The following ETFA variants were observed in gnomAD, a reference collection of about 807,000 sequenced individuals.
The protein encoded by ETFA is electron transfer flavoprotein subunit alpha.
ETFA carries 22 observed loss-of-function variants against 46.2 expected under a neutral mutation model. That is an observed-to-expected ratio of 0.48 (90% CI 0.34 to 0.68). The LOEUF is 0.68. Among genes scored for constraint, ETFA ranks in the 30% least tolerant of loss-of-function variants. ETFA has a pLI of 0.01. For synonymous variants in ETFA, 131 were observed against 139.9 expected (o/e 0.94, Z 0.45); for missense variants, 345 against 401.1 (o/e 0.86, Z 1.19).
rs765084070 is a variant in ETFA at position 76,274,406 on chromosome 15, A to T, written c.816+6T>A. The stretch of plus-strand genomic sequence containing the variant: ...TTTACACAGCATATTTTATTGCAAT[A>T]CTTACTGGTGCTACTATTTTTCCCG... On this transcript the variant is annotated splice_donor_region_variant and intron_variant, in intron 9 of 11. Transcript: ENST00000557943. The T allele has an allele frequency of 1.9e-6, 3 of 1,598,316 alleles. No homozygotes were observed. The African/African-American group carries it at 4.0e-5, about 21-fold the overall frequency.
At chr15:76,270,943 GCGGATCA>G (rs1387800934) in intron 9 of ETFA, among the ~76,000 whole-genome samples, 1 of 152,132 alleles carries the variant, frequency 6.6e-6, no homozygotes, top group African/African-American at 2.4e-5. Flanking sequence ...ACCAAGGTGG[GCGGATCA>G]CTTGAGGCCA....
At chr15:76,235,367 T>C (rs1216270926) in intron 9 of ETFA, among the ~76,000 whole-genome samples, 1 of 152,144 alleles carries the variant, frequency 6.6e-6, no homozygotes, top group Non-Finnish European at 1.5e-5. Flanking sequence ...CTCTTAACAG[T>C]CACTATAGCC....
intron 9 of ETFA, among the ~76,000 whole-genome samples, chr15:76,267,603 G>T (rs74960895): frequency 0.064 from 9,743 of 152,000 alleles, 409 homozygotes; most frequent in Non-Finnish European, 0.092. Flanking sequence ...GACCTCAACA[G>T]CAAGTTTTTC....
chr15:76,299,188 C>T (rs2039856740), intron 1 of ETFA, among the ~76,000 whole-genome samples: 1 of 152,236 alleles, frequency 6.6e-6, no homozygotes, highest in Non-Finnish European at 1.5e-5. Context: ...TCAGCCTTAC[C>T]TGGGCTCTCA....
intron 9 of ETFA, chr15:76,260,884 C>T (rs2039404097): frequency 1.2e-6 from 2 of 1,611,830 alleles, no homozygotes; most frequent in South Asian, 1.1e-5. Context: ...ACAAGGACCA[C>T]AACAGCCAGG....
intron 1 of ETFA, among the ~76,000 whole-genome samples, chr15:76,302,276 C>A (rs2039886878): frequency 6.6e-6 from 1 of 151,958 alleles, no homozygotes; most frequent in Non-Finnish European, 1.5e-5. Context: ...TGGAAGCAAC[C>A]AAAATGTCCT....
intron 2 of ETFA, among the ~76,000 whole-genome samples, chr15:76,294,801 AG>A (rs2039801513): frequency 6.6e-6 from 1 of 152,152 alleles, no homozygotes; most frequent in Non-Finnish European, 1.5e-5. Flanking sequence ...TACCCACCTC[AG>A]CTTCCCAAAG....
Position 76,217,715 on chromosome 15 carries a change from C to T in ETFA, c.964-1118G>A, listed in dbSNP as rs138686517. The T allele has an allele frequency of 9.4e-4, 402 of 426,214 alleles. 2 individuals are homozygous for T. The highest frequency in any genetic ancestry group is 6.9e-3 in the African/African-American group (341 of 49,346). 26.4% of individuals were successfully genotyped at this position (426,214 alleles called of 1,614,324 possible). A position where few individuals can be genotyped will look rare whatever the true frequency, so the allele number is the denominator to read the frequency against. On this transcript the variant is annotated intron_variant, in intron 11 of 11. Transcript: ENST00000557943. ...TCACACAGATACTCTGAAAACTGGT[C>T]CAGCCACTTGTGCAAAGTATCAATT...
At chr15:76,281,897 CT>C (rs34309169) in intron 8 of ETFA, among the ~76,000 whole-genome samples, 5 of 78,090 alleles carry the variant, frequency 6.4e-5, no homozygotes, top group African/African-American at 2.5e-4. Flanking sequence ...TACACGTATC[CT>C]TTTTTTTTTT....
intron 1 of ETFA, among the ~76,000 whole-genome samples, chr15:76,306,672 A>C (rs2039943497): frequency 6.6e-6 from 1 of 152,242 alleles, no homozygotes; most frequent in Non-Finnish European, 1.5e-5. Context: ...TCCCTATTTT[A>C]ACATACATTT....
intron 9 of ETFA, among the ~76,000 whole-genome samples, chr15:76,272,536 A>C (rs529158054): frequency 1.3e-5 from 2 of 151,990 alleles, no homozygotes; most frequent in Non-Finnish European, 2.9e-5. Flanking sequence ...TCTTGTAGAC[A>C]TATTTTTGGT....
At chr15:76,249,363 G>A (rs1243822006) in intron 9 of ETFA, among the ~76,000 whole-genome samples, 1 of 151,236 alleles carries the variant, frequency 6.6e-6, no homozygotes, top group African/African-American at 2.4e-5. Flanking sequence ...CCCAACCTCA[G>A]GTGATCCTTG....
At chr15:76,280,832 T>C (rs1260080911) in intron 8 of ETFA, among the ~76,000 whole-genome samples, 1 of 152,022 alleles carries the variant, frequency 6.6e-6, no homozygotes, top group Non-Finnish European at 1.5e-5. Flanking sequence ...CTGTGCACTT[T>C]ACTAGTTGCT....
At chr15:76,249,631 C>T (rs1287506069) in intron 9 of ETFA, among the ~76,000 whole-genome samples, 3 of 151,018 alleles carry the variant, frequency 2.0e-5, no homozygotes, top group African/African-American at 2.4e-5. Flanking sequence ...TTAGTAGAGA[C>T]GGGGTTTCAC....
At chr15:76,277,865 C>T (rs150558262) in intron 8 of ETFA, among the ~76,000 whole-genome samples, 1 of 152,266 alleles carries the variant, frequency 6.6e-6, no homozygotes, top group African/African-American at 2.4e-5. Context: ...GTCCCCCTAC[C>T]CCACCACCAG....
intron 4 of ETFA, among the ~76,000 whole-genome samples, 165 bp downstream of exon 4, chr15:76,292,266 G>T (rs1479572027): frequency 6.6e-6 from 1 of 152,174 alleles, no homozygotes; most frequent in East Asian, 1.9e-4. Context: ...AGTTTTAACG[G>T]AAAATTATGA....
chr15:76,216,485 A>G lies in ETFA; in HGVS notation c.*74T>C. The G allele has an allele frequency of 4.4e-6, 4 of 910,262 alleles. No homozygotes were observed. Among genetic ancestry groups the G allele is most frequent in the Non-Finnish European group, 7.3e-6 (4 of 545,850 alleles). The allele number at this position is 910,262 out of a possible 1,614,324, so 56.4% of individuals were successfully genotyped here. On this transcript the variant is annotated 3_prime_UTR_variant, in exon 12 of 12. Transcript: ENST00000557943. ...CTCTCCATGCTTTCCAATGATTGTT[A>G]TAATACCCACAAATATCTGTGATTT... is the stretch of plus-strand genomic sequence containing the variant.
At chr15:76,249,773 C>A (rs12438741) in intron 9 of ETFA, among the ~76,000 whole-genome samples, 63,099 of 151,912 alleles carry the variant, frequency 0.42, 15,343 homozygotes, top group Middle Eastern at 0.56. Context: ...AGTTCTGGGA[C>A]ACTAAGTACA....
chr15:76,221,302 A>C (rs1472288834), intron 11 of ETFA, among the ~76,000 whole-genome samples: 1 of 152,168 alleles, frequency 6.6e-6, no homozygotes, highest in African/African-American at 2.4e-5. Flanking sequence ...AAAGTAGATT[A>C]GTGGTTGCCA....
Sources: allele counts gnomAD v4.1 joint callset (sites outside exome capture counted in the v4.1 genomes callset), GRCh38; gene constraint gnomAD v4.1.1; transcripts MANE v1.5; gene names NCBI Gene and HGNC (gene_info 2026-07-23, HGNC 2026-07-21).